Variants in UNC5C observed in about 807,000 individuals in gnomAD.
UNC5C encodes the protein netrin receptor UNC5C.
A neutral mutation model predicts 99.8 loss-of-function variants in UNC5C; 47 were observed. That is an observed-to-expected ratio of 0.47 (90% CI 0.37 to 0.60). The LOEUF is 0.60. UNC5C is among the 20% of genes least tolerant of loss of function. The pLI is 0.00. For synonymous variants in UNC5C, 487 were observed against 452.2 expected (o/e 1.08, Z -0.98); for missense variants, 1,062 against 1,165.9 (o/e 0.91, Z 1.30).
intron 2 of UNC5C, among the ~76,000 whole-genome samples, chr4:95,304,463 C>A (rs1307294570): frequency 6.6e-6 from 1 of 152,014 alleles, no homozygotes; most frequent in African/African-American, 2.4e-5. Context: ...CTACTCAGGC[C>A]TCTCATTTTC....
intron 1 of UNC5C, among the ~76,000 whole-genome samples, chr4:95,355,714 T>C (rs535671930): frequency 1.3e-5 from 2 of 152,122 alleles, no homozygotes; most frequent in African/African-American, 2.4e-5. Flanking sequence ...CCTAGAGTGC[T>C]AAGGGACTCT....
intron 1 of UNC5C, among the ~76,000 whole-genome samples, chr4:95,462,732 A>G (rs1747642555): frequency 6.6e-6 from 1 of 152,200 alleles, no homozygotes; most frequent in African/African-American, 2.4e-5. Flanking sequence ...ACATATGCAG[A>G]TTACTTTCTT....
Position 95,329,134 on chromosome 4 carries a change from A to G in UNC5C, c.346+6276T>C, listed in dbSNP as rs117316325. On this transcript the variant is annotated intron_variant, in intron 2 of 15. Coordinates refer to ENST00000453304, the MANE Select transcript of UNC5C (RefSeq NM_003728.4). ...TAGCAAGACCCCATCTCTACAAAAA[A>G]TGAAAAATTAGTCAGGCATGGTGGT... 1.7e-3 allele frequency among the ~76,000 whole-genome samples: 265 copies of G among 152,202 alleles called. 3 individuals are homozygous for G. The East Asian group carries it at 0.05, about 29-fold the overall frequency.
intron 4 of UNC5C, among the ~76,000 whole-genome samples, chr4:95,262,818 A>G (rs1740291238): frequency 6.8e-6 from 1 of 146,342 alleles, no homozygotes; most frequent in Middle Eastern, 3.2e-3. Context: ...AAGTTTCCCT[A>G]TTTTTTTTTT....
intron 1 of UNC5C, among the ~76,000 whole-genome samples, chr4:95,446,751 T>C (rs1392846226): frequency 6.6e-6 from 1 of 151,550 alleles, no homozygotes; most frequent in Non-Finnish European, 1.5e-5. Flanking sequence ...AACTGTACAC[T>C]AAAATGGGTG....
At chr4:95,272,603 G>A (rs546576949) in intron 4 of UNC5C, among the ~76,000 whole-genome samples, 108 of 152,328 alleles carry the variant, frequency 7.1e-4, no homozygotes, top group Middle Eastern at 3.4e-3. Flanking sequence ...TTTGGCGAAT[G>A]TTGATTGGAC....
intron 4 of UNC5C, among the ~76,000 whole-genome samples, chr4:95,276,943 G>A (rs1199416277): frequency 6.6e-6 from 1 of 151,986 alleles, no homozygotes; most frequent in Non-Finnish European, 1.5e-5. Context: ...GAAAAATGGG[G>A]TTATTTCATA....
chr4:95,474,473 A>G (rs574581867), intron 1 of UNC5C, among the ~76,000 whole-genome samples: 1 of 152,104 alleles, frequency 6.6e-6, no homozygotes, highest in South Asian at 2.1e-4. Context: ...TATTTTTAGT[A>G]GAGATGGGGT....
chr4:95,378,044 A>G (rs563054502), intron 1 of UNC5C, among the ~76,000 whole-genome samples: 2 of 152,128 alleles, frequency 1.3e-5, no homozygotes, highest in Admixed American at 6.6e-5. Flanking sequence ...GGAAGCTCAC[A>G]TTATTTTCTT....
chr4:95,427,733 G>A (rs779771190), intron 1 of UNC5C, among the ~76,000 whole-genome samples: 2 of 152,116 alleles, frequency 1.3e-5, no homozygotes, highest in Admixed American at 6.6e-5. Context: ...AAAAATTCAC[G>A]TGACTCACTT....
At chr4:95,412,883 A>G (rs971943653) in intron 1 of UNC5C, among the ~76,000 whole-genome samples, 2 of 152,170 alleles carry the variant, frequency 1.3e-5, no homozygotes, top group African/African-American at 4.8e-5. Context: ...ATGGACAGGA[A>G]CAGTAGAGAA....
At chr4:95,502,873 A>T (rs567555004) in intron 1 of UNC5C, among the ~76,000 whole-genome samples, 1 of 152,304 alleles carries the variant, frequency 6.6e-6, no homozygotes, top group African/African-American at 2.4e-5. Context: ...TCCCGCAAAG[A>T]ATCGCACAGA....
At chr4:95,431,775 A>G (rs887173769) in intron 1 of UNC5C, among the ~76,000 whole-genome samples, 1 of 152,136 alleles carries the variant, frequency 6.6e-6, no homozygotes, top group Non-Finnish European at 1.5e-5. Flanking sequence ...TAGAAGAGAC[A>G]TTTTAATTAA....
chr4:95,485,902 A>G (rs915676027), intron 1 of UNC5C, among the ~76,000 whole-genome samples: 4 of 151,722 alleles, frequency 2.6e-5, no homozygotes, highest in African/African-American at 4.8e-5. Flanking sequence ...ATTTAATTAT[A>G]CAACTTTCCA....
At chr4:95,317,379 T>G (rs1362585582) in intron 2 of UNC5C, among the ~76,000 whole-genome samples, 1 of 152,190 alleles carries the variant, frequency 6.6e-6, no homozygotes, top group Non-Finnish European at 1.5e-5. Flanking sequence ...GCGGCTGCAT[T>G]AACAACGTGT....
At chr4:95,442,121 A>G (rs1158420068) in intron 1 of UNC5C, among the ~76,000 whole-genome samples, 4 of 152,192 alleles carry the variant, frequency 2.6e-5, no homozygotes, top group Non-Finnish European at 5.9e-5. Context: ...GCGCAGGGGT[A>G]GAGAGAAAGA....
chr4:95,544,506 TA>T (rs1723008873), intron 1 of UNC5C, among the ~76,000 whole-genome samples: 1 of 152,226 alleles, frequency 6.6e-6, no homozygotes, highest in African/African-American at 2.4e-5. Flanking sequence ...CAGAAAGTAC[TA>T]TACCTGTGTC....
At chr4:95,357,107 C>G (rs1056490185) in intron 1 of UNC5C, among the ~76,000 whole-genome samples, 1 of 148,914 alleles carries the variant, frequency 6.7e-6, no homozygotes, top group Non-Finnish European at 1.5e-5. Context: ...CCCCTGTGGA[C>G]TACTGATTTC....
At chr4:95,419,003 G>A (rs1279393019) in intron 1 of UNC5C, among the ~76,000 whole-genome samples, 1 of 152,132 alleles carries the variant, frequency 6.6e-6, no homozygotes, top group African/African-American at 2.4e-5. Flanking sequence ...CATTAGATGA[G>A]ACACGATGAT....
Sources: allele counts gnomAD v4.1 joint callset (sites outside exome capture counted in the v4.1 genomes callset), GRCh38; gene constraint gnomAD v4.1.1; transcripts MANE v1.5; gene names NCBI Gene and HGNC (gene_info 2026-07-23, HGNC 2026-07-21).